Variants in PCCA observed in about 807,000 individuals in gnomAD.
PCCA encodes the protein propionyl-CoA carboxylase subunit alpha.
PCCA carries 74 observed loss-of-function variants against 101.3 expected under a neutral mutation model. The ratio of observed to expected loss-of-function variants is 0.73; its 90% CI spans 0.61 to 0.89. The LOEUF is 0.89. Among genes scored for constraint, PCCA ranks in the 40% least tolerant of loss-of-function variants. The pLI, the probability that PCCA is intolerant of heterozygous loss-of-function variation, is 0.00. For synonymous variants in PCCA, 294 were observed against 313.6 expected (o/e 0.94, Z 0.66); for missense variants, 891 against 907.0 (o/e 0.98, Z 0.23).
intron 21 of PCCA, among the ~76,000 whole-genome samples, chr13:100,459,030 C>CT (rs2152939274): frequency 6.6e-6 from 1 of 152,230 alleles, no homozygotes; most frequent in East Asian, 1.9e-4. Context: ...AGGGTCTGTT[C>CT]TGTGCCTCTC....
intron 12 of PCCA, among the ~76,000 whole-genome samples, chr13:100,275,965 A>G (rs1046781256): frequency 6.6e-6 from 1 of 151,614 alleles, no homozygotes; most frequent in African/African-American, 2.4e-5. Flanking sequence ...CCACATATTT[A>G]CCTTTCTTTG....
At chr13:100,192,890 C>G (rs944890178) in intron 6 of PCCA, among the ~76,000 whole-genome samples, 4 of 152,154 alleles carry the variant, frequency 2.6e-5, no homozygotes, top group African/African-American at 9.7e-5. Flanking sequence ...TTCTAGTGCA[C>G]TGACTATTCT....
intron 6 of PCCA, among the ~76,000 whole-genome samples, chr13:100,205,502 TGG>T (rs1304154921): frequency 6.7e-6 from 1 of 148,728 alleles, no homozygotes; most frequent in Non-Finnish European, 1.5e-5. Context: ...TTGTATTGGG[TGG>T]GACAAAAAAT....
chr13:100,501,743 G>A (rs868170666), intron 21 of PCCA, among the ~76,000 whole-genome samples: 19 of 152,158 alleles, frequency 1.2e-4, no homozygotes, highest in Middle Eastern at 3.4e-3. Context: ...GCATGGTGGC[G>A]CATACCTGTA....
chr13:100,410,721 A>G (rs942282518), intron 19 of PCCA, among the ~76,000 whole-genome samples: 2 of 152,148 alleles, frequency 1.3e-5, no homozygotes, highest in Non-Finnish European at 2.9e-5. Flanking sequence ...GCAGTATCCT[A>G]AATTCCCAAA....
intron 4 of PCCA, among the ~76,000 whole-genome samples, chr13:100,117,892 A>G (rs1221164605): frequency 1.3e-5 from 2 of 151,948 alleles, no homozygotes; most frequent in African/African-American, 2.4e-5. Flanking sequence ...TGAGGCGGGC[A>G]GATCATGAGG....
chr13:100,483,553 T>G (rs528225107), intron 21 of PCCA, among the ~76,000 whole-genome samples: 6 of 152,240 alleles, frequency 3.9e-5, no homozygotes, highest in Admixed American at 1.3e-4. Flanking sequence ...AAGAATAAAC[T>G]ATACCGCCCT....
chr13:100,447,013 A>G (rs1207281455), intron 20 of PCCA, among the ~76,000 whole-genome samples: 1 of 152,206 alleles, frequency 6.6e-6, no homozygotes, highest in Non-Finnish European at 1.5e-5. Context: ...GTTCAGTTCT[A>G]TAAACTACAC....
At chr13:100,097,169 T>C (rs1160134209) in intron 1 of PCCA, among the ~76,000 whole-genome samples, 2 of 152,124 alleles carry the variant, frequency 1.3e-5, no homozygotes, top group African/African-American at 2.4e-5. Flanking sequence ...ATTGTGTGAT[T>C]TTGTGTTTAT....
At chr13:100,253,968 A>G (rs760941098) in intron 8 of PCCA, among the ~76,000 whole-genome samples, 2 of 152,060 alleles carry the variant, frequency 1.3e-5, no homozygotes, top group African/African-American at 2.4e-5. Context: ...CACACTGCTA[A>G]TAAATACATA....
In PCCA at chr13:100,470,081, G is replaced by A. The variant is rs192314251; in HGVS notation, c.1899+20776G>A. Among the ~76,000 whole-genome samples, 14 of 152,224 alleles carry A rather than the reference G, an allele frequency of 9.2e-5. No individual in the cohort carries two copies. In the East Asian group the frequency reaches 1.9e-3, roughly 21 times the overall value. Reference sequence around the variant, plus strand: ...TTCCAGGAGACTTCATGGTTCTTGCGTCGTTTCCACCTCTCAGTGGCCCAT... The same window carrying A: ...TTCCAGGAGACTTCATGGTTCTTGCATCGTTTCCACCTCTCAGTGGCCCAT... On this transcript the variant is annotated intron_variant, in intron 21 of 23. Coordinates refer to ENST00000376285, the MANE Select transcript of PCCA (RefSeq NM_000282.4).
chr13:100,159,948 C>G (rs140546225), intron 6 of PCCA, among the ~76,000 whole-genome samples: 1 of 152,288 alleles, frequency 6.6e-6, no homozygotes, highest in East Asian at 1.9e-4. Context: ...CTTTTTGTTT[C>G]AGTTTGATTG....
chr13:100,510,191 A>G (rs2086375404), intron 21 of PCCA, among the ~76,000 whole-genome samples: 1 of 152,218 alleles, frequency 6.6e-6, no homozygotes, highest in Admixed American at 6.5e-5. Context: ...CAGAAAGCAA[A>G]GGTTTCAAAG....
At chr13:100,247,814 C>G (rs944975706) in intron 8 of PCCA, among the ~76,000 whole-genome samples, 1 of 152,230 alleles carries the variant, frequency 6.6e-6, no homozygotes, top group South Asian at 2.1e-4. Flanking sequence ...CCACATCCAG[C>G]CTTTTTGTGA....
chr13:100,390,811 T>C (rs1433770386), intron 19 of PCCA, among the ~76,000 whole-genome samples: 1 of 152,162 alleles, frequency 6.6e-6, no homozygotes, highest in East Asian at 1.9e-4. Context: ...GAAATGAAAT[T>C]GTGGTGAGTT....
intron 4 of PCCA, among the ~76,000 whole-genome samples, chr13:100,112,880 G>A (rs2048451984): frequency 4.2e-5 from 1 of 23,796 alleles, no homozygotes; most frequent in Non-Finnish European, 6.9e-5. Context: ...CCGGCCCACA[G>A]CAGGGATTTT....
rs377502156 is a variant in PCCA at position 100,111,528 on chromosome 13, T to C, written c.184-313T>C. Among the ~76,000 whole-genome samples the C allele has an allele frequency of 2.1e-4, 32 of 152,344 alleles. No individual in the cohort carries two copies. In the East Asian group the frequency reaches 3.5e-3, roughly 17 times the overall value. ...TTCTTTTGGCTACAGAATATGTAGA[T>C]ACCCCCATTGTGAATACATTAACCT... On this transcript the variant is annotated intron_variant, in intron 2 of 23. Coordinates refer to ENST00000376285, the MANE Select transcript of PCCA (RefSeq NM_000282.4).
chr13:100,474,678 G>A (rs1347037245), intron 21 of PCCA, among the ~76,000 whole-genome samples: 1 of 152,070 alleles, frequency 6.6e-6, no homozygotes, highest in African/African-American at 2.4e-5. Context: ...TTGTAGAGAA[G>A]GGATTTTACC....
intron 1 of PCCA, among the ~76,000 whole-genome samples, chr13:100,101,088 C>T (rs1388592201): frequency 1.3e-5 from 2 of 152,178 alleles, no homozygotes; most frequent in Non-Finnish European, 2.9e-5. Context: ...CAGGCATGAG[C>T]CACCGTGCCC....
Sources: allele counts gnomAD v4.1 joint callset (sites outside exome capture counted in the v4.1 genomes callset), GRCh38; gene constraint gnomAD v4.1.1; transcripts MANE v1.5; gene names NCBI Gene and HGNC (gene_info 2026-07-23, HGNC 2026-07-21).